TMEM229B: variants seen among roughly 807,000 people sequenced by gnomAD.
TMEM229B encodes the protein chromosome 14 open reading frame 83.
Under a neutral mutation model 13.7 loss-of-function variants are expected in TMEM229B, and 6 were observed. The observed-to-expected ratio is 0.44, with a 90% CI of 0.24 to 0.86. The LOEUF (loss-of-function observed/expected upper bound fraction) is 0.86. Among genes scored for constraint, TMEM229B ranks in the 40% least tolerant of loss-of-function variants. The pLI is 0.23. For synonymous variants in TMEM229B, 107 were observed against 102.1 expected (o/e 1.05, Z -0.29); for missense variants, 170 against 236.0 (o/e 0.72, Z 1.83).
chr14:67,531,671 T>C (rs1429851248), intron 1 of TMEM229B, among the ~76,000 whole-genome samples: 1 of 151,012 alleles, frequency 6.6e-6, no homozygotes, highest in Non-Finnish European at 1.5e-5. Context: ...TCCCAGCACT[T>C]TGGGAGGCCG....
intron 1 of TMEM229B, among the ~76,000 whole-genome samples, chr14:67,496,797 TCTTG>T (rs10684901): frequency 4.9e-5 from 7 of 142,756 alleles, no homozygotes; most frequent in Middle Eastern, 3.5e-3. Context: ...TGTCTTTCTT[TCTTG>T]CTTGCTTGCT....
chr14:67,471,447 G>C lies in TMEM229B; in HGVS notation c.*1973C>G, dbSNP rs557457059. ...GAAACAATTGCCCAGAGAGAACGGG[G>C]AAGCCAGACAATATTCTCCTCCTGG... On this transcript the variant is annotated 3_prime_UTR_variant, in exon 3 of 3. Coordinates refer to ENST00000554480, the MANE Select transcript of TMEM229B (RefSeq NM_001348543.2). 1 of 152,194 alleles carries C rather than the reference G, an allele frequency of 6.6e-6. No homozygotes were observed. Among genetic ancestry groups the C allele is most frequent in the African/African-American group, 2.4e-5 (1 of 41,430 alleles). The allele number at this position is 152,194 out of a possible 1,614,324, so 9.4% of individuals were successfully genotyped here. A position where few individuals can be genotyped will look rare whatever the true frequency, so the allele number is the denominator to read the frequency against.
intron 2 of TMEM229B, among the ~76,000 whole-genome samples, chr14:67,475,849 G>A (rs1454910655): frequency 6.6e-6 from 1 of 152,184 alleles, no homozygotes; most frequent in African/African-American, 2.4e-5. Context: ...CCCATTATCA[G>A]GTGCCACCCC....
intron 1 of TMEM229B, among the ~76,000 whole-genome samples, chr14:67,507,318 C>T (rs931903926): frequency 2.0e-5 from 3 of 152,124 alleles, no homozygotes; most frequent in Non-Finnish European, 4.4e-5. Flanking sequence ...CACTGCACTC[C>T]AGCCTGGGTG....
chr14:67,509,669 C>T lies in TMEM229B; in HGVS notation c.-192+5417G>A, dbSNP rs183675095. ...ATACTGCCTCCACTTTTACCCTCTCCCCAACATTTGGTCTATTATCTGATC... is the reference window on the plus strand; with the variant it reads ...ATACTGCCTCCACTTTTACCCTCTCTCCAACATTTGGTCTATTATCTGATC... On this transcript the variant is annotated intron_variant, in intron 1 of 2. Transcript: ENST00000357461. Among the ~76,000 whole-genome samples the T allele has an allele frequency of 2.7e-3, 410 of 152,224 alleles. 1 individual carries two copies. The highest frequency in any genetic ancestry group is 4.1e-3 in the Non-Finnish European group (278 of 68,020).
chr14:67,504,891 A>T (rs1290719541), intron 1 of TMEM229B, among the ~76,000 whole-genome samples: 1 of 143,332 alleles, frequency 7.0e-6, no homozygotes, highest in Non-Finnish European at 1.5e-5. Context: ...CGTCTCAAAC[A>T]AAACAAAACA....
At chr14:67,483,866 G>T (rs555438815) in intron 2 of TMEM229B, among the ~76,000 whole-genome samples, 19 of 152,340 alleles carry the variant, frequency 1.2e-4, no homozygotes, top group African/African-American at 4.6e-4. Context: ...GAACACAGAG[G>T]ATTTCAGGGG....
chr14:67,520,570 T>C (rs549079225), intron 1 of TMEM229B, among the ~76,000 whole-genome samples: 30 of 152,370 alleles, frequency 2.0e-4, no homozygotes, highest in African/African-American at 6.5e-4. Flanking sequence ...CCACAGATTA[T>C]TTACCCATCA....
chr14:67,511,354 C>CAA (rs34965008), intron 1 of TMEM229B, among the ~76,000 whole-genome samples: 1 of 151,102 alleles, frequency 6.6e-6, no homozygotes, highest in South Asian at 2.1e-4. Context: ...TTTAAAAAAA[C>CAA]AAAAAAACAA....
intron 1 of TMEM229B, among the ~76,000 whole-genome samples, chr14:67,496,394 T>TTTTTTTG (rs2032373026): frequency 1.4e-5 from 1 of 71,168 alleles, no homozygotes; most frequent in Non-Finnish European, 3.0e-5. Flanking sequence ...CTCCGGCGTT[T>TTTTTTTG]TTTTTTTTTT....
chr14:67,481,754 G>A (rs991738498), intron 2 of TMEM229B, among the ~76,000 whole-genome samples: 8 of 152,036 alleles, frequency 5.3e-5, no homozygotes, highest in African/African-American at 1.9e-4. Context: ...CCACCCACCC[G>A]ACTCCCTATA....
At chr14:67,481,286 AAAAG>A (rs987556045) in intron 2 of TMEM229B, among the ~76,000 whole-genome samples, 4 of 152,208 alleles carry the variant, frequency 2.6e-5, no homozygotes, top group African/African-American at 4.8e-5. Flanking sequence ...TGTCTCTTAA[AAAAG>A]AAAGAAAGAA....
intron 2 of TMEM229B, among the ~76,000 whole-genome samples, chr14:67,475,978 CCT>C (rs1703107029): frequency 6.6e-6 from 1 of 152,202 alleles, no homozygotes; most frequent in South Asian, 2.1e-4. Context: ...CTGGGCAGGC[CCT>C]CTCTAAATGA....
chr14:67,530,922 C>T (rs901479083), intron 1 of TMEM229B, among the ~76,000 whole-genome samples: 1 of 152,200 alleles, frequency 6.6e-6, no homozygotes, highest in Non-Finnish European at 1.5e-5. Flanking sequence ...TCACCTCTCA[C>T]GTCCCATGGC....
intron 1 of TMEM229B, among the ~76,000 whole-genome samples, chr14:67,511,537 G>A (rs2033026744): frequency 6.6e-6 from 1 of 152,178 alleles, no homozygotes; most frequent in Non-Finnish European, 1.5e-5. Context: ...CTACTGGGAA[G>A]CCAGCAGAGT....
chr14:67,477,217 A>G (rs918978402), intron 2 of TMEM229B, among the ~76,000 whole-genome samples: 1 of 152,010 alleles, frequency 6.6e-6, no homozygotes, highest in Non-Finnish European at 1.5e-5. Flanking sequence ...ATGAAACACA[A>G]CAGCATCCTT....
At chr14:67,487,823 T>C (rs2031965729) in intron 1 of TMEM229B, among the ~76,000 whole-genome samples, 1 of 150,184 alleles carries the variant, frequency 6.7e-6, no homozygotes, top group Non-Finnish European at 1.5e-5. Flanking sequence ...TAGAGACGGG[T>C]CTTGCTATGT....
chr14:67,523,281 A>C (rs2033317163), intron 1 of TMEM229B, among the ~76,000 whole-genome samples: 1 of 151,160 alleles, frequency 6.6e-6, no homozygotes, highest in Admixed American at 6.6e-5. Flanking sequence ...CCAAGATGGC[A>C]CCACTGCACT....
intron 1 of TMEM229B, among the ~76,000 whole-genome samples, chr14:67,522,818 C>CTA (rs2033310621): frequency 6.6e-6 from 1 of 152,194 alleles, no homozygotes; most frequent in African/African-American, 2.4e-5. Flanking sequence ...AACCCCATCT[C>CTA]TATTCTTTTT....
Sources: allele counts gnomAD v4.1 joint callset (sites outside exome capture counted in the v4.1 genomes callset), GRCh38; gene constraint gnomAD v4.1.1; transcripts MANE v1.5; gene names NCBI Gene and HGNC (gene_info 2026-07-23, HGNC 2026-07-21).